The following SAMD12 variants were observed in gnomAD, a reference collection of about 807,000 sequenced individuals.
SAMD12 encodes sterile alpha motif domain containing 12, also known as sterile alpha motif domain-containing protein 12.
Under a neutral mutation model 15.0 loss-of-function variants are expected in SAMD12, and 9 were observed. The observed-to-expected ratio is 0.60, with a 90% CI of 0.36 to 1.05. The LOEUF is 1.05. SAMD12 is among the 50% of genes least tolerant of loss of function. The probability of loss-of-function intolerance (pLI) is 0.01; values close to 1 mark genes in which losing one functional copy is unlikely to be tolerated. For missense variants in SAMD12, 230 were observed against 234.2 expected (o/e 0.98, Z 0.12); for synonymous variants, 86 against 90.1 (o/e 0.96, Z 0.25).
downstream of SAMD12, among the ~76,000 whole-genome samples, chr8:118,188,945 T>C (rs902819581): frequency 2.0e-5 from 3 of 152,108 alleles, no homozygotes; most frequent in African/African-American, 4.8e-5. Context: ...GCCTTTCTAT[T>C]GATAAAATAC....
chr8:118,475,050 C>A (rs1265931049), intron 2 of SAMD12, among the ~76,000 whole-genome samples: 1 of 151,984 alleles, frequency 6.6e-6, no homozygotes, highest in Non-Finnish European at 1.5e-5. Flanking sequence ...AACAGCCTGG[C>A]CAACATGGTG....
chr8:118,197,546 A>G lies in SAMD12; in HGVS notation c.*164T>C, dbSNP rs545033936. 8.4e-6 allele frequency: 6 copies of G among 716,812 alleles called. No individual in the cohort carries two copies. The African/African-American group carries it at 1.1e-4, about 13-fold the overall frequency. The allele number at this position is 716,812 out of a possible 1,614,324, so 44.4% of individuals were successfully genotyped here. A position where few individuals can be genotyped will look rare whatever the true frequency, so the allele number is the denominator to read the frequency against. ...ATCCACAGCAAAGCAAGATTTTTCCAAAACCCATAATATTGACTGAATGGG... is the reference window on the plus strand; with the variant it reads ...ATCCACAGCAAAGCAAGATTTTTCCGAAACCCATAATATTGACTGAATGGG... On this transcript the variant is annotated 3_prime_UTR_variant, in exon 5 of 5. Coordinates refer to the SAMD12 transcript ENST00000409003.
chr8:118,455,748 C>T (rs763261625), intron 2 of SAMD12, among the ~76,000 whole-genome samples: 1 of 152,206 alleles, frequency 6.6e-6, no homozygotes, highest in Non-Finnish European at 1.5e-5. Flanking sequence ...TGCTCTCCCA[C>T]CAGTTTCTAC....
chr8:118,135,183 T>A, the SAMD12 span, among the ~76,000 whole-genome samples: 1 of 152,220 alleles, frequency 6.6e-6, no homozygotes, highest in Non-Finnish European at 1.5e-5. Context: ...GTAGTGTTTC[T>A]TTTTTGTTTT....
chr8:118,243,056 A>T (rs182706776), intron 4 of SAMD12, among the ~76,000 whole-genome samples: 2 of 152,266 alleles, frequency 1.3e-5, no homozygotes, highest in East Asian at 3.9e-4. Context: ...TATATGAGGC[A>T]ACCCACATGT....
At chr8:118,276,831 C>G (rs1286608731) in intron 4 of SAMD12, among the ~76,000 whole-genome samples, 1 of 152,024 alleles carries the variant, frequency 6.6e-6, no homozygotes, top group Non-Finnish European at 1.5e-5. Context: ...TGACAGCATG[C>G]CTGGCTAAGT....
At chr8:118,477,809 C>G (rs1239635212) in intron 2 of SAMD12, among the ~76,000 whole-genome samples, 2 of 151,862 alleles carry the variant, frequency 1.3e-5, no homozygotes, top group African/African-American at 2.4e-5. Context: ...GTCAGGAGAT[C>G]GAGACCATCC....
intron 4 of SAMD12, among the ~76,000 whole-genome samples, chr8:118,311,667 A>G (rs1420390889): frequency 6.6e-6 from 1 of 152,200 alleles, no homozygotes; most frequent in African/African-American, 2.4e-5. Flanking sequence ...AGTCTCTCAG[A>G]AAAGAATGTT....
At chr8:118,620,399 CAAAAAAAAAAAAAAA>C (rs68126546) in intron 1 of SAMD12, among the ~76,000 whole-genome samples, 1 of 66,378 alleles carries the variant, frequency 1.5e-5, no homozygotes, top group Non-Finnish European at 2.5e-5. Context: ...CATAACGATG[CAAAAAAAAAAAAAAA>C]AAAAAAAAAA....
chr8:118,515,111 T>TG (rs1441495595), intron 2 of SAMD12, among the ~76,000 whole-genome samples: 1 of 151,580 alleles, frequency 6.6e-6, no homozygotes, highest in Non-Finnish European at 1.5e-5. Context: ...CTCCACCTCC[T>TG]GGGTTCACGC....
At chr8:118,462,873 C>T (rs930190139) in intron 2 of SAMD12, among the ~76,000 whole-genome samples, 2 of 152,024 alleles carry the variant, frequency 1.3e-5, no homozygotes, top group East Asian at 3.9e-4. Flanking sequence ...GAGGCCGAGA[C>T]GGGCGGATCA....
chr8:118,456,683 T>C (rs1411181845), intron 2 of SAMD12, among the ~76,000 whole-genome samples: 2 of 152,226 alleles, frequency 1.3e-5, no homozygotes, highest in Non-Finnish European at 2.9e-5. Context: ...TGTATTAAAA[T>C]ATAGGAATGT....
chr8:118,191,807 TATATAG>T (rs1819405072), exon 5 of SAMD12: 1 of 15,948 alleles, frequency 6.3e-5, no homozygotes, highest in African/African-American at 1.7e-4. Flanking sequence ...TATATATATA[TATATAG>T]AGAGAGAGAG....
intron 2 of SAMD12, among the ~76,000 whole-genome samples, chr8:118,572,139 C>A (rs1827028643): frequency 6.6e-6 from 1 of 152,242 alleles, no homozygotes; most frequent in Non-Finnish European, 1.5e-5. Context: ...TCATTTGGAA[C>A]TTTAAGATTT....
At chr8:118,467,427 T>G (rs972018868) in intron 2 of SAMD12, among the ~76,000 whole-genome samples, 1 of 152,146 alleles carries the variant, frequency 6.6e-6, no homozygotes, top group Non-Finnish European at 1.5e-5. Context: ...TGAATGTTTA[T>G]TTTTATTATT....
intron 1 of SAMD12, among the ~76,000 whole-genome samples, chr8:118,619,954 ACTTC>A (rs938704689): frequency 2.6e-5 from 4 of 152,210 alleles, no homozygotes; most frequent in African/African-American, 9.6e-5. Context: ...AGTTTAAAAT[ACTTC>A]CTTCATTCTT....
intron 2 of SAMD12, among the ~76,000 whole-genome samples, chr8:118,535,870 G>T (rs1272123062): frequency 6.6e-6 from 1 of 152,180 alleles, no homozygotes; most frequent in Non-Finnish European, 1.5e-5. Flanking sequence ...GCTAGGAAAG[G>T]GAATTCCCTG....
At chr8:118,621,605 C>T in intron 1 of SAMD12, 199 bp downstream of exon 1, 1 of 628,994 alleles carries the variant, frequency 1.6e-6, no homozygotes, top group Non-Finnish European at 2.9e-6. Flanking sequence ...CTACCCTTCA[C>T]GTCTCTCCAA....
intron 4 of SAMD12, among the ~76,000 whole-genome samples, chr8:118,266,760 T>G (rs897774335): frequency 3.3e-5 from 5 of 152,088 alleles, no homozygotes; most frequent in African/African-American, 1.2e-4. Flanking sequence ...GCATGATCTC[T>G]CTTATTTGTG....
Sources: allele counts gnomAD v4.1 joint callset (sites outside exome capture counted in the v4.1 genomes callset), GRCh38; gene constraint gnomAD v4.1.1; transcripts MANE v1.5; gene names NCBI Gene and HGNC (gene_info 2026-07-23, HGNC 2026-07-21).